PICALM: variants seen among roughly 807,000 people sequenced by gnomAD.
PICALM encodes phosphatidylinositol binding clathrin assembly protein.
PICALM carries 40 observed loss-of-function variants against 80.5 expected under a neutral mutation model. The ratio of observed to expected loss-of-function variants is 0.50; its 90% CI spans 0.39 to 0.65. PICALM has a LOEUF of 0.65. PICALM is among the 30% of genes least tolerant of loss of function. The pLI is 0.00. For synonymous variants in PICALM, 288 were observed against 260.3 expected, an observed-to-expected ratio of 1.11 and a Z score of -1.02; for missense variants, 676 against 778.9, an observed-to-expected ratio of 0.87 and a Z score of 1.57.
intron 1 of PICALM, among the ~76,000 whole-genome samples, chr11:86,039,187 T>A (rs1485041221): frequency 6.6e-6 from 1 of 151,956 alleles, no homozygotes. Context: ...TGTCACTGTG[T>A]TCTTAGCAAC....
chr11:86,007,218 T>C (rs79400819), intron 8 of PICALM, among the ~76,000 whole-genome samples: 3,743 of 152,298 alleles, frequency 0.025, 119 homozygotes, highest in African/African-American at 0.071. Flanking sequence ...ATAGTGAAAA[T>C]TGTTTTTCTA....
intron 19 of PICALM, among the ~76,000 whole-genome samples, chr11:85,965,521 C>T (rs963891891): frequency 6.6e-6 from 1 of 152,102 alleles, no homozygotes; most frequent in East Asian, 1.9e-4. Context: ...ATTAGTGGTA[C>T]GTTGAATCCA....
Position 86,000,761 on chromosome 11 carries a change from G to A in PICALM, c.1036C>T (p.Leu346Phe). The change falls in exon 11 of 20, where the codon CTT becomes TTT. Residue 346 changes from leucine to phenylalanine, a missense_variant. Physicochemically the swap from Leu to Phe is conservative, Grantham distance 22. Coordinates refer to ENST00000393346, the MANE Select transcript of PICALM (RefSeq NM_007166.4). Reference protein sequence around the residue: ...KALKEQRLKELAKKPHTSLTT... With the variant: ...KALKEQRLKEFAKKPHTSLTT... ...AAAGAGGTATGAGGTTTCTTTGCAA[G>A]TTCTTTTAGGCGCTGTTCCTGTTAA... The A allele has an allele frequency of 6.2e-7, 1 of 1,613,086 alleles. No individual in the cohort carries two copies. Among genetic ancestry groups the A allele is most frequent in the Non-Finnish European group, 8.5e-7 (1 of 1,179,898 alleles).
rs186390664 is a variant in PICALM at position 86,062,489 on chromosome 11, G to A, written c.130+6162C>T. ...GCTGAGATCGCACCACTGCACTCCA[G>A]CCTGGGCAACAAGAGCGAAACTCCG... On this transcript the variant is annotated intron_variant, in intron 1 of 19. Transcript: ENST00000393346. Among the ~76,000 whole-genome samples the A allele has an allele frequency of 3.1e-3, 473 of 151,562 alleles. 4 individuals are homozygous for A. The highest frequency in any genetic ancestry group is 0.011 in the South Asian group (51 of 4,794).
intron 17 of PICALM, among the ~76,000 whole-genome samples, chr11:85,980,595 A>G (rs1313493738): frequency 1.3e-5 from 2 of 152,222 alleles, no homozygotes; most frequent in Non-Finnish European, 2.9e-5. Context: ...ACATTGTCAT[A>G]TATATAAATT....
intron 1 of PICALM, among the ~76,000 whole-genome samples, chr11:86,060,009 C>T (rs2096333405): frequency 6.6e-6 from 1 of 152,164 alleles, no homozygotes. Flanking sequence ...ATACTGAACA[C>T]TCCTTCCAAT....
chr11:86,050,409 G>C (rs967282420), intron 1 of PICALM, among the ~76,000 whole-genome samples: 1 of 152,084 alleles, frequency 6.6e-6, no homozygotes, highest in African/African-American at 2.4e-5. Flanking sequence ...AGCCAAAAAT[G>C]TGCAAGCAAT....
At chr11:86,023,703 C>G (rs2095603567) in intron 3 of PICALM, among the ~76,000 whole-genome samples, 1 of 152,138 alleles carries the variant, frequency 6.6e-6, no homozygotes, top group South Asian at 2.1e-4. Context: ...TTTCCATAGA[C>G]TTTTAAAGTT....
chr11:86,031,414 T>G (rs771527937), intron 2 of PICALM, 55 bp downstream of exon 2: 4 of 1,407,952 alleles, frequency 2.8e-6, no homozygotes, highest in Non-Finnish European at 3.9e-6. Flanking sequence ...TGAGAGAAGC[T>G]AGCTAACAAT....
At chr11:86,031,388 G>A in intron 2 of PICALM, 81 bp downstream of exon 2, 2 of 1,097,594 alleles carry the variant, frequency 1.8e-6, no homozygotes, top group Non-Finnish European at 2.6e-6. Context: ...CCTGGGAGCT[G>A]TTTCTGAAGT....
intron 17 of PICALM, among the ~76,000 whole-genome samples, chr11:85,979,167 C>A (rs1406360996): frequency 2.6e-5 from 4 of 152,098 alleles, no homozygotes; most frequent in Non-Finnish European, 5.9e-5. Flanking sequence ...GTATAAAAAT[C>A]TAAACTACTT....
At chr11:85,985,241 C>A (rs1254557292) in intron 13 of PICALM, among the ~76,000 whole-genome samples, 1 of 152,152 alleles carries the variant, frequency 6.6e-6, no homozygotes, top group East Asian at 1.9e-4. Flanking sequence ...ACTAGAGAGA[C>A]TGATCTCAAA....
rs2045965364 is a variant in PICALM at position 86,045,809 on chromosome 11, G to C, written c.131-14198C>G. ...ACATTTTAAGTGGTCTAGACAAGTAGGAAGGGAAATTTAATCATCTTTCTC... is the reference window on the plus strand; with the variant it reads ...ACATTTTAAGTGGTCTAGACAAGTACGAAGGGAAATTTAATCATCTTTCTC... On this transcript the variant is annotated intron_variant, in intron 1 of 19. Coordinates refer to ENST00000393346, the MANE Select transcript of PICALM (RefSeq NM_007166.4). 3.3e-5 allele frequency among the ~76,000 whole-genome samples: 5 copies of C among 152,094 alleles called. No individual in the cohort carries two copies. The South Asian group carries it at 1.0e-3, about 31-fold the overall frequency.
intron 19 of PICALM, among the ~76,000 whole-genome samples, chr11:85,967,350 T>TA (rs1474821736): frequency 6.6e-6 from 1 of 150,624 alleles, no homozygotes; most frequent in Admixed American, 6.6e-5. Flanking sequence ...TTTCTGGTTT[T>TA]ATTTATTAAG....
rs545213 is a variant in PICALM at position 86,026,087 on chromosome 11, T to C, written c.349+205A>G. 0.25 allele frequency among the ~76,000 whole-genome samples: 38,371 copies of C among 152,016 alleles called. 5,026 individuals are homozygous for C. The highest frequency in any genetic ancestry group is 0.31 in the African/African-American group (12,975 of 41,428). On this transcript the variant is annotated intron_variant, in intron 3 of 19. Coordinates refer to ENST00000393346, the MANE Select transcript of PICALM (RefSeq NM_007166.4). The stretch of plus-strand genomic sequence containing the variant: ...TTCATGCTCTCAAATAACTACTCTG[T>C]ACTCCGTCTCAGAGAGCTCTGAGTA...
At chr11:86,059,865 TG>T (rs1286749510) in intron 1 of PICALM, among the ~76,000 whole-genome samples, 2 of 148,074 alleles carry the variant, frequency 1.4e-5, no homozygotes, top group African/African-American at 5.0e-5. Context: ...AGGATAGTTT[TG>T]ACATAAAAAA....
chr11:85,991,105 A>G (rs1274410984), intron 12 of PICALM, among the ~76,000 whole-genome samples: 1 of 152,178 alleles, frequency 6.6e-6, no homozygotes, highest in East Asian at 1.9e-4. Flanking sequence ...TCCTTTATCT[A>G]AAGTTATTCT....
chr11:86,047,818 G>T (rs534061517), intron 1 of PICALM, among the ~76,000 whole-genome samples: 1 of 152,144 alleles, frequency 6.6e-6, no homozygotes, highest in Non-Finnish European at 1.5e-5. Context: ...AAACGTTTCC[G>T]GCTGGGTGCA....
rs865974760 is a variant in PICALM, at chr11:86,038,120, G to A, written c.131-6509C>T. On this transcript the variant is annotated intron_variant, in intron 1 of 19. Coordinates refer to ENST00000393346, the MANE Select transcript of PICALM (RefSeq NM_007166.4). Reference sequence around the variant, plus strand: ...AGATCACTTGAGGTCAGGAGTTCGAGACCAGCCTGGCCAATATGGTGAAAC... The same window carrying A: ...AGATCACTTGAGGTCAGGAGTTCGAAACCAGCCTGGCCAATATGGTGAAAC... Among the ~76,000 whole-genome samples, 5 of 152,282 alleles carry A rather than the reference G, an allele frequency of 3.3e-5. No homozygotes were observed. The South Asian group carries it at 1.0e-3, about 32-fold the overall frequency.
Sources: gnomAD v4.1 joint callset for allele counts (sites outside exome capture counted in the v4.1 genomes callset) on GRCh38, gnomAD v4.1.1 for gene constraint, MANE v1.5 for transcripts, NCBI Gene and HGNC (gene_info 2026-07-23, HGNC 2026-07-21) for gene names.